Variants in FLRT2 observed in about 807,000 individuals in gnomAD.
The protein encoded by FLRT2 is fibronectin leucine rich transmembrane protein 2.
A neutral mutation model predicts 40.0 loss-of-function variants in FLRT2; 15 were observed. The ratio of observed to expected loss-of-function variants is 0.38; its 90% CI spans 0.25 to 0.58. The LOEUF (loss-of-function observed/expected upper bound fraction) is 0.58. Ranked by LOEUF, FLRT2 falls within the 20% of genes least tolerant of loss-of-function variation. The pLI, the probability that FLRT2 is intolerant of heterozygous loss-of-function variation, is 0.71. For missense variants in FLRT2, 726 were observed against 840.0 expected, an observed-to-expected ratio of 0.86 and a Z score of 1.68; for synonymous variants, 380 against 336.8, an observed-to-expected ratio of 1.13 and a Z score of -1.41.
chr14:85,535,892 GTTTT>G (rs71454768), intron 1 of FLRT2, among the ~76,000 whole-genome samples: 19 of 57,906 alleles, frequency 3.3e-4, no homozygotes, highest in African/African-American at 9.1e-4. Flanking sequence ...AAGGAATGCT[GTTTT>G]TTTTTTTTTT....
chr14:85,549,810 ATT>A (rs61018495), intron 1 of FLRT2, among the ~76,000 whole-genome samples: 48,078 of 134,874 alleles, frequency 0.36, 7,763 homozygotes, highest in Admixed American at 0.46. Context: ...ACACATAGCT[ATT>A]TTTTTTTTTT....
At chr14:85,533,805 C>T (rs1047978144) in intron 1 of FLRT2, among the ~76,000 whole-genome samples, 1 of 151,572 alleles carries the variant, frequency 6.6e-6, no homozygotes, top group Non-Finnish European at 1.5e-5. Context: ...AGGCGCGCGC[C>T]GCTCTGAGGC....
intron 1 of FLRT2, among the ~76,000 whole-genome samples, chr14:85,595,269 T>C (rs1892082508): frequency 6.6e-6 from 1 of 152,154 alleles, no homozygotes; most frequent in Admixed American, 6.5e-5. Flanking sequence ...ATGTGTTTTA[T>C]AAGTTAGAAA....
chr14:85,557,005 A>G (rs377305176), intron 1 of FLRT2, among the ~76,000 whole-genome samples: 4 of 152,216 alleles, frequency 2.6e-5, no homozygotes, highest in Admixed American at 2.6e-4. Context: ...AACCCCTGAT[A>G]AAACCATCAG....
intron 1 of FLRT2, among the ~76,000 whole-genome samples, chr14:85,576,212 C>G (rs760933145): frequency 6.6e-6 from 1 of 152,132 alleles, no homozygotes; most frequent in Non-Finnish European, 1.5e-5. Context: ...AACTCATGAC[C>G]TCAGTTATCC....
chr14:85,588,272 A>T (rs975686897), intron 1 of FLRT2, among the ~76,000 whole-genome samples: 11 of 152,182 alleles, frequency 7.2e-5, no homozygotes, highest in African/African-American at 2.7e-4. Context: ...TACTAAGAAT[A>T]ATAAAAATAC....
chr14:85,587,507 T>A (rs970930796), intron 1 of FLRT2, among the ~76,000 whole-genome samples: 2 of 152,174 alleles, frequency 1.3e-5, no homozygotes, highest in Admixed American at 1.3e-4. Context: ...ATTCAGTTCC[T>A]AGGTCATTTT....
chr14:85,555,578 T>C (rs1180356709), intron 1 of FLRT2, among the ~76,000 whole-genome samples: 2 of 150,558 alleles, frequency 1.3e-5, no homozygotes, highest in Non-Finnish European at 3.0e-5. Context: ...TCCCACCAGG[T>C]CCCTCCCATA....
intron 1 of FLRT2, among the ~76,000 whole-genome samples, chr14:85,620,141 G>A (rs1201975644): frequency 6.6e-6 from 1 of 152,170 alleles, no homozygotes; most frequent in Non-Finnish European, 1.5e-5. Flanking sequence ...AGATAAAGAG[G>A]AAGGGAGACA....
chr14:85,613,384 A>C (rs958993090), intron 1 of FLRT2, among the ~76,000 whole-genome samples: 3 of 152,190 alleles, frequency 2.0e-5, no homozygotes, highest in Admixed American at 2.0e-4. Context: ...TAGTAATTGC[A>C]ACTATTTCCT....
At position 85,641,682 on chromosome 14, in the gene FLRT2, A is replaced by G. The variant is rs1216605420; in HGVS notation, c.*18185A>G. On this transcript the variant is annotated 3_prime_UTR_variant, in exon 2 of 2. Transcript: ENST00000330753. ...TCTCCTGCTTTGAATAAATGGAATAATTTCTGTTTCCTGCATTTTATCTTG... is the reference window on the plus strand; with the variant it reads ...TCTCCTGCTTTGAATAAATGGAATAGTTTCTGTTTCCTGCATTTTATCTTG... 6.6e-6 allele frequency: 1 copy of G among 152,202 alleles called. No homozygotes were observed. The highest frequency in any genetic ancestry group is 1.9e-4 in the East Asian group (1 of 5,192). The allele number at this position is 152,202 out of a possible 1,614,324, so 9.4% of individuals were successfully genotyped here.
rs1316383324 is a variant in FLRT2 at position 85,650,508 on chromosome 14, T to G, written c.*27011T>G. ...TATCTAGAATTTGAATTGCTAAAAT[T>G]GAACATTCAATTTTCATTTTTAACT... On this transcript the variant is annotated 3_prime_UTR_variant, in exon 2 of 2. Coordinates refer to ENST00000330753, the MANE Select transcript of FLRT2 (RefSeq NM_013231.6). 6.6e-6 allele frequency: 1 copy of G among 152,062 alleles called. No individual in the cohort carries two copies. The highest frequency in any genetic ancestry group is 1.5e-5 in the Non-Finnish European group (1 of 67,976). 9.4% of individuals were successfully genotyped at this position (152,062 alleles called of 1,614,324 possible). A position where few individuals can be genotyped will look rare whatever the true frequency, so the allele number is the denominator to read the frequency against.
chr14:85,582,275 C>G (rs1891423450), intron 1 of FLRT2, among the ~76,000 whole-genome samples: 1 of 152,060 alleles, frequency 6.6e-6, no homozygotes, highest in South Asian at 2.1e-4. Context: ...TATATGCATG[C>G]AGGGTGTAGT....
At chr14:85,538,809 A>G (rs1187394430) in intron 1 of FLRT2, among the ~76,000 whole-genome samples, 1 of 152,122 alleles carries the variant, frequency 6.6e-6, no homozygotes, top group African/African-American at 2.4e-5. Context: ...AATGGAAAAC[A>G]TTAGACGCAT....
At chr14:85,531,218 AT>A (rs1888251649) in intron 1 of FLRT2, 1 of 152,334 alleles carries the variant, frequency 6.6e-6, no homozygotes, top group Non-Finnish European at 1.5e-5. Flanking sequence ...CGGAATCCGG[AT>A]CGAGTGAGTT....
intron 1 of FLRT2, among the ~76,000 whole-genome samples, chr14:85,605,487 G>C (rs1241577463): frequency 6.6e-6 from 1 of 152,072 alleles, no homozygotes; most frequent in Non-Finnish European, 1.5e-5. Context: ...ATAATAACTT[G>C]TGGCTGGGCA....
intron 1 of FLRT2, among the ~76,000 whole-genome samples, chr14:85,558,591 A>G (rs767596480): frequency 3.3e-5 from 5 of 152,154 alleles, no homozygotes; most frequent in Non-Finnish European, 5.9e-5. Flanking sequence ...TGTTTCTTCA[A>G]TCATTTTTTT....
At chr14:85,558,436 A>G (rs1890108875) in intron 1 of FLRT2, among the ~76,000 whole-genome samples, 1 of 152,224 alleles carries the variant, frequency 6.6e-6, no homozygotes, top group East Asian at 1.9e-4. Context: ...GTGATTTAAA[A>G]GGAGAAGTAA....
At position 85,555,406 on chromosome 14, in the gene FLRT2, C is replaced by T. The variant is rs138675710; in HGVS notation, c.-377+24872C>T. 1.5e-3 allele frequency among the ~76,000 whole-genome samples: 227 copies of T among 152,244 alleles called. 3 individuals carry two copies. The highest frequency in any genetic ancestry group is 5.2e-3 in the African/African-American group (217 of 41,548). Reference sequence around the variant, plus strand: ...CATGTGGCTGGGGAAGCCTCACAATCATAGTGGAAGGCGAAAAGCACATCC... The same window carrying T: ...CATGTGGCTGGGGAAGCCTCACAATTATAGTGGAAGGCGAAAAGCACATCC... On this transcript the variant is annotated intron_variant, in intron 1 of 1. Coordinates refer to ENST00000330753, the MANE Select transcript of FLRT2 (RefSeq NM_013231.6).
Sources: gnomAD v4.1 joint callset for allele counts (sites outside exome capture counted in the v4.1 genomes callset) on GRCh38, gnomAD v4.1.1 for gene constraint, MANE v1.5 for transcripts, NCBI Gene and HGNC (gene_info 2026-07-23, HGNC 2026-07-21) for gene names.